The following CUL3 variants were observed in gnomAD, a reference collection of about 807,000 sequenced individuals.
The protein encoded by CUL3 is cullin-3.
CUL3 carries 19 observed loss-of-function variants against 89.1 expected under a neutral mutation model. The observed-to-expected ratio is 0.21, with a 90% CI of 0.15 to 0.31. The LOEUF (loss-of-function observed/expected upper bound fraction) is 0.31, where lower values mean the gene tolerates loss of function less well. Among genes scored for constraint, CUL3 ranks in the 10% least tolerant of loss-of-function variants. The pLI, the probability that CUL3 is intolerant of heterozygous loss-of-function variation, is 1.00. For missense variants in CUL3, 469 were observed against 942.3 expected (o/e 0.50, Z 6.58); for synonymous variants, 351 against 308.4 (o/e 1.14, Z -1.45).
intron 1 of CUL3, among the ~76,000 whole-genome samples, chr2:224,562,349 G>A (rs961679604): frequency 1.3e-5 from 2 of 151,822 alleles, no homozygotes; most frequent in Non-Finnish European, 2.9e-5. Context: ...TAACAAATGA[G>A]AAGAAGAGCC....
chr2:224,580,627 T>C (rs1337677562), intron 1 of CUL3, among the ~76,000 whole-genome samples: 2 of 151,940 alleles, frequency 1.3e-5, no homozygotes, highest in Admixed American at 6.6e-5. Flanking sequence ...GAGGCTGCAG[T>C]GAGCCAAGAT....
In CUL3 at chr2:224,514,810, G is replaced by A. The variant is rs776716688; in HGVS notation, c.379-38C>T. ...TCATATAAATATGAGTACAGTTCTT[G>A]TGAGCATAATAATTATTGTGTGCTA... is the stretch of plus-strand genomic sequence containing the variant. On this transcript the variant is annotated intron_variant, in intron 3 of 15. Transcript: ENST00000264414. 12 of 1,415,454 alleles carry A rather than the reference G, an allele frequency of 8.5e-6. No homozygotes were observed. In the Admixed American group the frequency reaches 2.0e-4, roughly 24 times the overall value. The allele number at this position is 1,415,454 out of a possible 1,614,324, so 87.7% of individuals were successfully genotyped here.
At position 224,500,493 on chromosome 2, in the gene CUL3, T is replaced by A; in HGVS notation, c.1486-6A>T. 2 of 1,613,510 alleles carry A rather than the reference T, an allele frequency of 1.2e-6. No individual in the cohort carries two copies. The highest frequency in any genetic ancestry group is 8.5e-7 in the Non-Finnish European group (1 of 1,179,560). On this transcript the variant is annotated splice_region_variant and splice_polypyrimidine_tract_variant and intron_variant, in intron 10 of 15. Coordinates refer to ENST00000264414, the MANE Select transcript of CUL3 (RefSeq NM_003590.5). The stretch of plus-strand genomic sequence containing the variant: ...TCAACACCACCTAAAGATACCTATG[T>A]AAAACAGAAAGAGATATTCCCCTCA...
intron 3 of CUL3, among the ~76,000 whole-genome samples, chr2:224,530,033 T>TC (rs2106253392): frequency 6.6e-6 from 1 of 152,030 alleles, no homozygotes; most frequent in South Asian, 2.1e-4. Flanking sequence ...GGTCAGGAGA[T>TC]CGAGACCATG....
chr2:224,546,055 G>T (rs187161987), intron 2 of CUL3, among the ~76,000 whole-genome samples: 1 of 152,078 alleles, frequency 6.6e-6, no homozygotes, highest in African/African-American at 2.4e-5. Context: ...TTTACTTACT[G>T]GTTGGAAAGG....
At chr2:224,497,697 C>G in intron 12 of CUL3, 56 bp downstream of exon 12, 1 of 1,283,486 alleles carries the variant, frequency 7.8e-7, no homozygotes, top group Non-Finnish European at 1.1e-6. Flanking sequence ...AATCACACAT[C>G]AGCTCTAATA....
intron 2 of CUL3, among the ~76,000 whole-genome samples, chr2:224,549,597 CT>C (rs745996661): frequency 6.6e-6 from 1 of 152,104 alleles, no homozygotes; most frequent in South Asian, 2.1e-4. Context: ...CTACCTATTA[CT>C]TTTCCCACTG....
At chr2:224,549,291 C>G (rs1319319882) in intron 2 of CUL3, among the ~76,000 whole-genome samples, 3 of 151,290 alleles carry the variant, frequency 2.0e-5, no homozygotes, top group Non-Finnish European at 4.4e-5. Flanking sequence ...GCACTCCAGC[C>G]TGGGCGACAG....
intron 3 of CUL3, among the ~76,000 whole-genome samples, chr2:224,519,394 A>C (rs879373921): frequency 6.6e-6 from 1 of 152,174 alleles, no homozygotes; most frequent in Admixed American, 6.5e-5. Context: ...GACAAAATCA[A>C]CCTGAAGCTG....
chr2:224,500,121 A>C (rs1410443102), intron 11 of CUL3: 14 of 381,734 alleles, frequency 3.7e-5, no homozygotes, highest in Non-Finnish European at 5.8e-5. Flanking sequence ...GCTCTAAATA[A>C]AAGGCATTTC....
chr2:224,551,406 C>T (rs1360358109), intron 2 of CUL3, among the ~76,000 whole-genome samples: 1 of 152,032 alleles, frequency 6.6e-6, no homozygotes, highest in African/African-American at 2.4e-5. Context: ...GTGGTTTCAC[C>T]GTGTTAGCCA....
At position 224,585,313 on chromosome 2, in the gene CUL3, C is replaced by T. The variant is rs1574715733; in HGVS notation, c.-304G>A. On this transcript the variant is annotated 5_prime_UTR_variant, in exon 1 of 16. Coordinates refer to ENST00000264414, the MANE Select transcript of CUL3 (RefSeq NM_003590.5). ...TTATCGCGCTCCTCCGCGATGGCGGCGGCGGCGGCGACGGACAAACATCTC... is the reference window on the plus strand; with the variant it reads ...TTATCGCGCTCCTCCGCGATGGCGGTGGCGGCGGCGACGGACAAACATCTC... 2 of 401,910 alleles carry T rather than the reference C, an allele frequency of 5.0e-6. No individual in the cohort carries two copies. The highest frequency in any genetic ancestry group is 3.5e-5 in the East Asian group (1 of 28,174). The allele number at this position is 401,910 out of a possible 1,614,324, so 24.9% of individuals were successfully genotyped here.
chr2:224,541,813 T>C (rs1400788781), intron 2 of CUL3, among the ~76,000 whole-genome samples: 5 of 152,036 alleles, frequency 3.3e-5, no homozygotes, highest in African/African-American at 1.2e-4. Flanking sequence ...TTACAAACTA[T>C]AATTCCAATT....
At chr2:224,493,080 A>G (rs1185199376) in intron 13 of CUL3, among the ~76,000 whole-genome samples, 1 of 152,172 alleles carries the variant, frequency 6.6e-6, no homozygotes, top group African/African-American at 2.4e-5. Flanking sequence ...CAACATCTAA[A>G]TGCAACCTCA....
intron 13 of CUL3, among the ~76,000 whole-genome samples, chr2:224,488,317 T>C (rs1192526487): frequency 1.3e-5 from 2 of 150,444 alleles, no homozygotes; most frequent in African/African-American, 4.9e-5. Context: ...AAAAAAAAAA[T>C]CAATGAATCC....
Position 224,473,743 on chromosome 2 carries a change from C to T in CUL3, c.*502G>A, listed in dbSNP as rs1181781848. The T allele has an allele frequency of 5.4e-6, 1 of 184,686 alleles. No individual in the cohort carries two copies. Among genetic ancestry groups the T allele is most frequent in the African/African-American group, 2.3e-5 (1 of 42,600 alleles). 11.4% of individuals were successfully genotyped at this position (184,686 alleles called of 1,614,324 possible). ...TATGCTTGGGTCTTTGTATATTTATCAAACCTTTAAAATTAAATAAGACTA... is the reference window on the plus strand; with the variant it reads ...TATGCTTGGGTCTTTGTATATTTATTAAACCTTTAAAATTAAATAAGACTA... On this transcript the variant is annotated 3_prime_UTR_variant, in exon 16 of 16. Coordinates refer to ENST00000264414, the MANE Select transcript of CUL3 (RefSeq NM_003590.5).
rs79590954 is a variant in CUL3 at position 224,570,046 on chromosome 2, A to G, written c.67-12190T>C. On this transcript the variant is annotated intron_variant, in intron 1 of 15. Transcript: ENST00000264414. The stretch of plus-strand genomic sequence containing the variant: ...CTGATACAACTAAACTATTAATTAC[A>G]TAAGGAAGCTCCCTCCCAAACTGTA... Among the ~76,000 whole-genome samples, 1,455 of 151,810 alleles carry G rather than the reference A, an allele frequency of 9.6e-3. 95 individuals carry two copies. The East Asian group carries it at 0.19, about 20-fold the overall frequency.
chr2:224,548,537 T>C (rs1179002009), intron 2 of CUL3, among the ~76,000 whole-genome samples: 2 of 152,206 alleles, frequency 1.3e-5, no homozygotes, highest in African/African-American at 4.8e-5. Context: ...AGTTCAATAA[T>C]TTTTATAGGT....
chr2:224,504,587 C>T (rs957269122), intron 8 of CUL3, among the ~76,000 whole-genome samples: 9 of 152,150 alleles, frequency 5.9e-5, no homozygotes, highest in Non-Finnish European at 1.0e-4. Context: ...GGATTACAAG[C>T]GTGAGCCACT....
Sources: allele counts gnomAD v4.1 joint callset (sites outside exome capture counted in the v4.1 genomes callset), GRCh38; gene constraint gnomAD v4.1.1; transcripts MANE v1.5; gene names NCBI Gene and HGNC (gene_info 2026-07-23, HGNC 2026-07-21).